Variants in TRPM2 observed in about 807,000 individuals in gnomAD.
TRPM2 encodes estrogen-responsive element-associated gene 1 protein.
TRPM2 carries 161 observed loss-of-function variants against 174.0 expected under a neutral mutation model. That is an observed-to-expected ratio of 0.93 (90% CI 0.81 to 1.05). The LOEUF (loss-of-function observed/expected upper bound fraction) is 1.05. TRPM2 is among the 50% of genes least tolerant of loss of function. The pLI, the probability that TRPM2 is intolerant of heterozygous loss-of-function variation, is 0.00. For synonymous variants in TRPM2, 954 were observed against 861.3 expected, an observed-to-expected ratio of 1.11 and a Z score of -1.88; for missense variants, 2,057 against 2,038.0, an observed-to-expected ratio of 1.01 and a Z score of -0.18.
At chr21:44,368,152 G>A (rs920479473) in intron 4 of TRPM2, among the ~76,000 whole-genome samples, 4 of 152,190 alleles carry the variant, frequency 2.6e-5, no homozygotes, top group Non-Finnish European at 4.4e-5. Context: ...CAGGGTCTCA[G>A]TCTGTTCCCC....
intron 2 of TRPM2, among the ~76,000 whole-genome samples, chr21:44,361,798 C>T (rs891305943): frequency 2.6e-5 from 4 of 152,116 alleles, no homozygotes; most frequent in Non-Finnish European, 4.4e-5. Flanking sequence ...CCCTCCACCT[C>T]GCTGGGCTCA....
At chr21:44,416,777 C>T (rs917961933) in intron 20 of TRPM2, 15 of 203,770 alleles carry the variant, frequency 7.4e-5, no homozygotes, top group African/African-American at 3.6e-4. Context: ...TGGCTCTGCT[C>T]TCTGTGGCAT....
intron 3 of TRPM2, 53 bp downstream of exon 3, chr21:44,364,335 C>A: frequency 6.3e-7 from 1 of 1,590,542 alleles, no homozygotes; most frequent in South Asian, 1.1e-5. Context: ...CATGGCCCCA[C>A]AGTGACACGC....
intron 11 of TRPM2, among the ~76,000 whole-genome samples, chr21:44,394,554 C>T (rs893315196): frequency 3.3e-5 from 5 of 151,142 alleles, no homozygotes; most frequent in East Asian, 4.0e-4. Context: ...CTCCTGACCT[C>T]GTGATACTCC....
chr21:44,434,404 G>T (rs2051152527), intron 27 of TRPM2, among the ~76,000 whole-genome samples: 1 of 152,008 alleles, frequency 6.6e-6, no homozygotes, highest in African/African-American at 2.4e-5. Context: ...CGGGGATGGT[G>T]GCGGGGACGG....
intron 5 of TRPM2, among the ~76,000 whole-genome samples, chr21:44,375,500 C>T (rs1168225400): frequency 6.6e-6 from 1 of 152,198 alleles, no homozygotes. Context: ...GTCTGTTTCC[C>T]CGCCTCCTCC....
upstream of TRPM2, chr21:44,350,215 C>A (rs1411540186): frequency 6.6e-6 from 1 of 152,096 alleles, no homozygotes; most frequent in African/African-American, 2.4e-5. Flanking sequence ...CCCCGCGGGG[C>A]CAGGGCGGCG....
rs552313273 is a variant in TRPM2 at position 44,423,483 on chromosome 21, T to C, written c.3462-162T>C. On this transcript the variant is annotated intron_variant, in intron 22 of 31. Transcript: ENST00000397928. ...TCTGGGGCCCTGGGCAGTTTGGTTCTATGGGAGAAATGCATGTTAGAAATA... is the reference window on the plus strand; with the variant it reads ...TCTGGGGCCCTGGGCAGTTTGGTTCCATGGGAGAAATGCATGTTAGAAATA... The C allele has an allele frequency of 3.4e-5, 22 of 651,142 alleles. No individual in the cohort carries two copies. In the African/African-American group the frequency reaches 3.8e-4, roughly 11 times the overall value. 40.3% of individuals were successfully genotyped at this position (651,142 alleles called of 1,614,324 possible).
Position 44,354,560 on chromosome 21 carries a change from C to T in TRPM2, c.166-88C>T. The stretch of plus-strand genomic sequence containing the variant: ...TTCCTTCAAGCAAATAGTGTGAAAG[C>T]TCCTCAAGGAGCTCAGATGTGTCTC... On this transcript the variant is annotated intron_variant, in intron 1 of 31. Transcript: ENST00000397928. This position sits in a 1 kb window ranked among gnomAD's most constrained non-coding sequence, Gnocchi z 4.3. 8.4e-7 allele frequency: 1 copy of T among 1,190,136 alleles called. No homozygotes were observed. 73.7% of individuals were successfully genotyped at this position (1,190,136 alleles called of 1,614,324 possible).
chr21:44,432,985 C>T lies in TRPM2; in HGVS notation c.3975-2146C>T, dbSNP rs944889412. Among the ~76,000 whole-genome samples the T allele has an allele frequency of 4.6e-5, 7 of 152,050 alleles. No individual in the cohort carries two copies. Among genetic ancestry groups the T allele is most frequent in the South Asian group, 2.1e-4 (1 of 4,828 alleles). On this transcript the variant is annotated intron_variant, in intron 27 of 31. Transcript: ENST00000397928. The surrounding 1 kb of genome is among the most constrained non-coding windows in gnomAD (Gnocchi z 4.9). ...AGAACCATATGGACGAGATCATGAC[C>T]GGGGGATCAGAGATCAGGGCACAGT...
At position 44,366,749 on chromosome 21, in the gene TRPM2, C is replaced by T. The variant is rs769928962; in HGVS notation, c.424-5C>T. The stretch of plus-strand genomic sequence containing the variant: ...GTTCCCTCCGCCGTTTTCCCTTTCC[C>T]GCAGTACGTCCGAGTCTCCCAGGAC... On this transcript the variant is annotated splice_region_variant and splice_polypyrimidine_tract_variant and intron_variant, in intron 3 of 31. Transcript: ENST00000397928. This position sits in a 1 kb window ranked among gnomAD's most constrained non-coding sequence, Gnocchi z 6.0. 18 of 1,613,820 alleles carry T rather than the reference C, an allele frequency of 1.1e-5. No individual in the cohort carries two copies. The highest frequency in any genetic ancestry group is 4.4e-5 in the South Asian group (4 of 91,068).
intron 27 of TRPM2, among the ~76,000 whole-genome samples, chr21:44,427,752 C>G (rs1374985010): frequency 1.3e-5 from 2 of 152,140 alleles, no homozygotes; most frequent in Non-Finnish European, 2.9e-5. Context: ...GACTGCGTGG[C>G]AGGCCTTTGC....
chr21:44,367,589 G>T lies in TRPM2; in HGVS notation c.604+655G>T, dbSNP rs1247068248. 5.9e-5 allele frequency among the ~76,000 whole-genome samples: 9 copies of T among 152,180 alleles called. No individual in the cohort carries two copies. Among genetic ancestry groups the T allele is most frequent in the African/African-American group, 1.9e-4 (8 of 41,460 alleles). ...CCCACCCTAATTCCATGGGGAGGGG[G>T]CCCCAAGTCCTCAAGGCTCCCTGGG... On this transcript the variant is annotated intron_variant, in intron 4 of 31. Coordinates refer to ENST00000397928, the MANE Select transcript of TRPM2 (RefSeq NM_003307.4). This position sits in a 1 kb window ranked among gnomAD's most constrained non-coding sequence, Gnocchi z 4.6.
intron 2 of TRPM2, among the ~76,000 whole-genome samples, chr21:44,358,737 C>T (rs1019100908): frequency 1.3e-5 from 2 of 152,144 alleles, no homozygotes; most frequent in Non-Finnish European, 2.9e-5. Context: ...CCTTTCCCCA[C>T]CTCCGACCCA....
In TRPM2 at chr21:44,426,603, G is replaced by C; in HGVS notation, c.3796-57G>C. 4 of 1,577,240 alleles carry C rather than the reference G, an allele frequency of 2.5e-6. No individual in the cohort carries two copies. In the South Asian group the frequency reaches 4.4e-5, roughly 17 times the overall value. On this transcript the variant is annotated intron_variant, in intron 25 of 31. Transcript: ENST00000397928. ...GAGCAGCCCTTTCACCCTGGTGCCT[G>C]GCCCAGCTTTGCAGTGGGGGTAAAA...
chr21:44,371,087 C>T (rs891958922), intron 5 of TRPM2, among the ~76,000 whole-genome samples: 8 of 152,250 alleles, frequency 5.3e-5, no homozygotes, highest in Admixed American at 3.3e-4. Context: ...GTCGATTGGC[C>T]ATCATCCAGC....
intron 9 of TRPM2, among the ~76,000 whole-genome samples, chr21:44,389,388 G>T (rs372308323): frequency 8.5e-5 from 13 of 152,260 alleles, no homozygotes; most frequent in African/African-American, 2.4e-4. Context: ...GCTGCTATTT[G>T]TCTTCATTTC....
chr21:44,361,516 T>C (rs1038493062), intron 2 of TRPM2, among the ~76,000 whole-genome samples: 4 of 152,260 alleles, frequency 2.6e-5, no homozygotes, highest in African/African-American at 9.6e-5. Context: ...AATTGGGTCC[T>C]ATTTTTTTAA....
At chr21:44,406,571 C>A (rs1364175265) in intron 18 of TRPM2, 23 bp from the exon 19 acceptor site, 2 of 1,598,532 alleles carry the variant, frequency 1.3e-6, no homozygotes, top group Admixed American at 1.7e-5. Context: ...GAGAGTGTAG[C>A]CCACACACTC....
Sources: allele counts gnomAD v4.1 joint callset (sites outside exome capture counted in the v4.1 genomes callset), GRCh38; gene constraint gnomAD v4.1.1; non-coding constraint Gnocchi (gnomAD v3.1); transcripts MANE v1.5; gene names NCBI Gene and HGNC (gene_info 2026-07-23, HGNC 2026-07-21).